The following LRRIQ3 variants were observed in gnomAD, a reference collection of about 807,000 sequenced individuals.
LRRIQ3 encodes the protein leucine-rich repeat and IQ domain-containing protein 3.
In LRRIQ3, 75 loss-of-function variants were observed where a neutral mutation model predicts 59.3. The observed-to-expected ratio is 1.26, with a 90% CI of 1.05 to 1.53. The LOEUF (loss-of-function observed/expected upper bound fraction) is 1.53, where lower values mean the gene tolerates loss of function less well. Among genes scored for constraint, LRRIQ3 ranks in the 40% most tolerant of loss-of-function variants. The probability of loss-of-function intolerance (pLI) is 0.00; values close to 1 mark genes in which losing one functional copy is unlikely to be tolerated. For synonymous variants in LRRIQ3, 250 were observed against 231.3 expected, an observed-to-expected ratio of 1.08 and a Z score of -0.73; for missense variants, 831 against 710.0, an observed-to-expected ratio of 1.17 and a Z score of -1.94.
At chr1:74,035,981 T>C (rs896287230) in intron 7 of LRRIQ3, among the ~76,000 whole-genome samples, 4 of 152,186 alleles carry the variant, frequency 2.6e-5, no homozygotes, top group African/African-American at 4.8e-5. Flanking sequence ...TTTGTAACAA[T>C]TGAAATGTAT....
rs1651351599 is a variant in LRRIQ3, at chr1:74,198,086, CTGAGACCGT to C, written c.-100_-92del. On this transcript the variant is annotated 5_prime_UTR_variant, in exon 1 of 8. Coordinates refer to ENST00000354431, the MANE Select transcript of LRRIQ3 (RefSeq NM_001105659.2). ...CAAATCGCTGGGCGGCCATCTGCTC[CTGAGACCGT>C]TGCTAGAGAAACAAGACAACATCCA... The C allele has an allele frequency of 6.4e-6, 8 of 1,258,226 alleles. No individual in the cohort carries two copies. The highest frequency in any genetic ancestry group is 8.5e-6 in the Non-Finnish European group (8 of 942,254). 77.9% of individuals were successfully genotyped at this position (1,258,226 alleles called of 1,614,324 possible).
intron 1 of LRRIQ3, among the ~76,000 whole-genome samples, chr1:74,187,141 T>C (rs1432442698): frequency 6.6e-6 from 1 of 151,984 alleles, no homozygotes; most frequent in Admixed American, 6.6e-5. Flanking sequence ...GAACTAAAGG[T>C]AGAACTACCA....
chr1:74,042,193 G>A (rs1413381456), intron 6 of LRRIQ3, among the ~76,000 whole-genome samples: 1 of 152,050 alleles, frequency 6.6e-6, no homozygotes, highest in Non-Finnish European at 1.5e-5. Context: ...AACTTGCAGT[G>A]ACTCAATAGC....
intron 6 of LRRIQ3, among the ~76,000 whole-genome samples, chr1:74,063,063 GCAAAA>G (rs141608137): frequency 1.3e-5 from 2 of 149,746 alleles, no homozygotes; most frequent in African/African-American, 2.5e-5. Flanking sequence ...CACTACCAAA[GCAAAA>G]CAAAACAAAA....
intron 4 of LRRIQ3, among the ~76,000 whole-genome samples, chr1:74,121,848 C>T (rs1417369475): frequency 1.3e-5 from 2 of 150,960 alleles, no homozygotes; most frequent in Admixed American, 1.3e-4. Context: ...GTTTTTTGTC[C>T]TTGCGACAGT....
chr1:74,102,157 G>A (rs545034442), intron 5 of LRRIQ3, among the ~76,000 whole-genome samples: 20 of 151,624 alleles, frequency 1.3e-4, no homozygotes, highest in East Asian at 3.9e-4. Context: ...ATAGTTTATC[G>A]CAGATCAAGA....
chr1:74,053,192 A>AC (rs926421091), intron 6 of LRRIQ3, among the ~76,000 whole-genome samples: 11 of 151,676 alleles, frequency 7.3e-5, no homozygotes, highest in Non-Finnish European at 1.5e-4. Context: ...AAAAAAAAAA[A>AC]AACAAATTAA....
In LRRIQ3 at chr1:74,133,629, G is replaced by T. The variant is rs189301335; in HGVS notation, c.707+22104C>A. Among the ~76,000 whole-genome samples the T allele has an allele frequency of 1.0e-3, 157 of 149,604 alleles. 2 individuals carry two copies. The highest frequency in any genetic ancestry group is 3.7e-3 in the African/African-American group (151 of 40,614). ...TTGCAAGGACGAAAAACCAAACACC[G>T]CATGTTCTCACTCATAGGTGGGAAT... On this transcript the variant is annotated intron_variant, in intron 4 of 7. Transcript: ENST00000354431.
At chr1:74,129,200 A>G (rs551221886) in intron 4 of LRRIQ3, among the ~76,000 whole-genome samples, 1 of 152,110 alleles carries the variant, frequency 6.6e-6, no homozygotes, top group East Asian at 1.9e-4. Context: ...CAGTGTGGCA[A>G]GTTCCCCTTG....
intron 1 of LRRIQ3, among the ~76,000 whole-genome samples, chr1:74,186,948 C>CAA (rs879825997): frequency 1.4e-5 from 2 of 146,058 alleles, no homozygotes; most frequent in Non-Finnish European, 3.0e-5. Flanking sequence ...CTATTATAAG[C>CAA]AAGAAAAAAA....
chr1:74,083,013 T>C (rs1240197132), intron 5 of LRRIQ3: 4 of 151,710 alleles, frequency 2.6e-5, no homozygotes, highest in African/African-American at 4.8e-5. Context: ...AGTATAGTTA[T>C]GTTTCTTCTC....
At chr1:74,144,699 T>C (rs557332787) in intron 4 of LRRIQ3, among the ~76,000 whole-genome samples, 88 of 151,960 alleles carry the variant, frequency 5.8e-4, no homozygotes, top group African/African-American at 2.0e-3. Flanking sequence ...TTCTATTGCA[T>C]ATTTTTCTTT....
At chr1:74,095,497 T>C (rs1646439320) in intron 5 of LRRIQ3, among the ~76,000 whole-genome samples, 1 of 152,144 alleles carries the variant, frequency 6.6e-6, no homozygotes, top group Non-Finnish European at 1.5e-5. Context: ...ATTAGTGAAG[T>C]TATTTAAAGG....
intron 2 of LRRIQ3, chr1:74,183,129 C>A: frequency 3.2e-6 from 1 of 315,004 alleles, no homozygotes; most frequent in Non-Finnish European, 5.7e-6. Flanking sequence ...AATAGGTTGA[C>A]TCTTTAAACT....
intron 3 of LRRIQ3, among the ~76,000 whole-genome samples, chr1:74,167,666 T>C (rs1465352656): frequency 1.3e-5 from 2 of 151,756 alleles, no homozygotes; most frequent in African/African-American, 4.8e-5. Flanking sequence ...ATTGTGTACA[T>C]TGCTCTGGTG....
intron 5 of LRRIQ3, among the ~76,000 whole-genome samples, chr1:74,097,571 C>T (rs1359397195): frequency 2.0e-5 from 3 of 152,092 alleles, no homozygotes; most frequent in Non-Finnish European, 2.9e-5. Flanking sequence ...AAAGATACTC[C>T]TCGAGAAGAG....
chr1:74,133,547 T>C (rs1409442516), intron 4 of LRRIQ3, among the ~76,000 whole-genome samples: 1 of 151,802 alleles, frequency 6.6e-6, no homozygotes, highest in Non-Finnish European at 1.5e-5. Flanking sequence ...AAATGATGAG[T>C]TCATGTCCTT....
intron 4 of LRRIQ3, among the ~76,000 whole-genome samples, chr1:74,134,069 T>C (rs923780285): frequency 2.0e-5 from 3 of 152,014 alleles, no homozygotes; most frequent in Non-Finnish European, 4.4e-5. Flanking sequence ...ATTTCTAACA[T>C]TATTGGAGTA....
chr1:74,152,213 A>C (rs1176096031), intron 4 of LRRIQ3, among the ~76,000 whole-genome samples: 1 of 152,032 alleles, frequency 6.6e-6, no homozygotes, highest in Non-Finnish European at 1.5e-5. Flanking sequence ...AACTAATTTT[A>C]TATATAAAGA....
Sources: allele counts gnomAD v4.1 joint callset (sites outside exome capture counted in the v4.1 genomes callset), GRCh38; gene constraint gnomAD v4.1.1; transcripts MANE v1.5; gene names NCBI Gene and HGNC (gene_info 2026-07-23, HGNC 2026-07-21).